Variants in KCNMA1 observed in about 807,000 individuals in gnomAD.
KCNMA1 encodes the protein potassium calcium-activated channel subfamily M alpha 1, also known as Calcium-activated potassium channel subunit alpha-1.
In KCNMA1, 29 loss-of-function variants were observed where a neutral mutation model predicts 140.0. The ratio of observed to expected loss-of-function variants is 0.21; its 90% confidence interval spans 0.15 to 0.28. KCNMA1 has a LOEUF of 0.28. KCNMA1 is among the 10% of genes least tolerant of loss of function. The probability of loss-of-function intolerance (pLI) is 1.00; values close to 1 mark genes in which losing one functional copy is unlikely to be tolerated. For missense variants in KCNMA1, 880 were observed against 1,602.2 expected (o/e 0.55, Z 7.70); for synonymous variants, 612 against 611.9 (o/e 1.00, Z 0.00).
intron 1 of KCNMA1, among the ~76,000 whole-genome samples, chr10:77,612,023 GAAGA>G (rs2087118572): frequency 1.3e-5 from 2 of 152,206 alleles, no homozygotes; most frequent in Admixed American, 6.5e-5. Flanking sequence ...GGAGTCCAGA[GAAGA>G]AAGAGATGGG....
intron 1 of KCNMA1, among the ~76,000 whole-genome samples, chr10:77,496,863 A>C (rs1309444241): frequency 6.6e-6 from 1 of 152,136 alleles, no homozygotes; most frequent in Non-Finnish European, 1.5e-5. Context: ...GTGTCCCACA[A>C]GTACTTCAAA....
At chr10:77,217,325 CA>C (rs958985320) in intron 3 of KCNMA1, among the ~76,000 whole-genome samples, 4 of 150,222 alleles carry the variant, frequency 2.7e-5, no homozygotes, top group African/African-American at 4.9e-5. Flanking sequence ...AACAAACAAA[CA>C]AAAAAAAACT....
intron 23 of KCNMA1, among the ~76,000 whole-genome samples, chr10:76,931,442 G>A (rs983059004): frequency 6.6e-6 from 1 of 151,648 alleles, no homozygotes; most frequent in Non-Finnish European, 1.5e-5. Context: ...AAAGGGGTAG[G>A]TACAAGACCC....
intron 17 of KCNMA1, among the ~76,000 whole-genome samples, chr10:77,017,912 GT>G (rs1295417254): frequency 1.3e-5 from 2 of 152,164 alleles, no homozygotes; most frequent in Admixed American, 6.5e-5. Context: ...AGAGAACCTA[GT>G]ACCTAGAATA....
chr10:76,939,987 T>G (rs2061549655), intron 23 of KCNMA1, among the ~76,000 whole-genome samples: 1 of 152,352 alleles, frequency 6.6e-6, no homozygotes, highest in South Asian at 2.1e-4. Flanking sequence ...CAAAGGGAAG[T>G]GACAGGCACT....
intron 22 of KCNMA1, among the ~76,000 whole-genome samples, chr10:76,948,076 C>T (rs919358207): frequency 3.9e-5 from 6 of 152,042 alleles, no homozygotes; most frequent in Non-Finnish European, 7.4e-5. Context: ...GCTTTCACAG[C>T]CCACTGCAGC....
intron 1 of KCNMA1, among the ~76,000 whole-genome samples, chr10:77,547,557 C>T (rs2061729160): frequency 6.6e-6 from 1 of 152,190 alleles, no homozygotes; most frequent in African/African-American, 2.4e-5. Context: ...GTGGCTTCTC[C>T]AGATCAACAG....
At position 77,637,746 on chromosome 10, in the gene KCNMA1, C is replaced by T. The variant is rs192912320; in HGVS notation, c.-104G>A. The T allele has an allele frequency of 3.3e-5, 32 of 976,562 alleles. No homozygotes were observed. The highest frequency in any genetic ancestry group is 7.6e-5 in the South Asian group (2 of 26,318). 60.5% of individuals were successfully genotyped at this position (976,562 alleles called of 1,614,324 possible). A position where few individuals can be genotyped will look rare whatever the true frequency, so the allele number is the denominator to read the frequency against. Reference sequence around the variant, plus strand: ...GCCATATTGCTGCTACTGCTGCCGCCGCCGCCGCCGCCGCGGAGCGCGGGA... The same window carrying T: ...GCCATATTGCTGCTACTGCTGCCGCTGCCGCCGCCGCCGCGGAGCGCGGGA... On this transcript the variant is annotated 5_prime_UTR_variant, in exon 1 of 28. Coordinates refer to ENST00000286628, the MANE Select transcript of KCNMA1 (RefSeq NM_001161352.2).
intron 3 of KCNMA1, among the ~76,000 whole-genome samples, chr10:77,242,293 G>A (rs1480018429): frequency 2.0e-5 from 3 of 152,180 alleles, no homozygotes; most frequent in Non-Finnish European, 2.9e-5. Context: ...TGCCGTCCCT[G>A]AAGCATTCTC....
At chr10:77,241,719 T>C (rs2057325996) in intron 3 of KCNMA1, among the ~76,000 whole-genome samples, 1 of 152,032 alleles carries the variant, frequency 6.6e-6, no homozygotes, top group Non-Finnish European at 1.5e-5. Context: ...AGACTGAGAC[T>C]GAAGGATCAC....
intron 1 of KCNMA1, among the ~76,000 whole-genome samples, chr10:77,595,885 C>T (rs1382423773): frequency 3.9e-5 from 6 of 152,134 alleles, no homozygotes; most frequent in African/African-American, 7.2e-5. Flanking sequence ...CTCCTGACCT[C>T]GTGATCCATC....
chr10:77,521,436 A>G (rs1226661442), intron 1 of KCNMA1, among the ~76,000 whole-genome samples: 1 of 152,128 alleles, frequency 6.6e-6, no homozygotes, highest in African/African-American at 2.4e-5. Flanking sequence ...AGGCCCACAC[A>G]CTAGTGCCCG....
chr10:77,324,293 C>A (rs141202689), intron 2 of KCNMA1, among the ~76,000 whole-genome samples: 3 of 152,204 alleles, frequency 2.0e-5, no homozygotes, highest in African/African-American at 7.2e-5. Context: ...TGAAAACATT[C>A]TTAAACTTTT....
At chr10:77,549,344 G>T (rs1353533869) in intron 1 of KCNMA1, among the ~76,000 whole-genome samples, 2 of 152,180 alleles carry the variant, frequency 1.3e-5, no homozygotes, top group Non-Finnish European at 2.9e-5. Flanking sequence ...CAGATGGAGA[G>T]GAAGTCTCTC....
At chr10:77,542,097 TG>T (rs1440775545) in intron 1 of KCNMA1, among the ~76,000 whole-genome samples, 1 of 152,202 alleles carries the variant, frequency 6.6e-6, no homozygotes, top group Admixed American at 6.5e-5. Context: ...GAGAGCTGCC[TG>T]GTCCCTTCCA....
At chr10:77,144,646 G>C (rs558973494) in intron 5 of KCNMA1, among the ~76,000 whole-genome samples, 2 of 152,286 alleles carry the variant, frequency 1.3e-5, no homozygotes, top group South Asian at 2.1e-4. Flanking sequence ...CCTGTCAACA[G>C]AGATACTCAA....
chr10:76,951,235 C>T (rs908518334), intron 21 of KCNMA1, among the ~76,000 whole-genome samples: 9 of 152,278 alleles, frequency 5.9e-5, no homozygotes, highest in Middle Eastern at 3.4e-3. Context: ...AGACTGGCCA[C>T]AGCTACATCA....
chr10:77,053,961 T>C (rs1474224607), intron 14 of KCNMA1, among the ~76,000 whole-genome samples: 1 of 152,144 alleles, frequency 6.6e-6, no homozygotes, highest in Non-Finnish European at 1.5e-5. Flanking sequence ...CAGAGTCTTA[T>C]AATCCTTGCC....
intron 14 of KCNMA1, among the ~76,000 whole-genome samples, chr10:77,048,695 T>C (rs2095224925): frequency 6.6e-6 from 1 of 152,242 alleles, no homozygotes. Flanking sequence ...TATTTTACTT[T>C]CAGCACAATA....
Sources: gnomAD v4.1 joint callset for allele counts (sites outside exome capture counted in the v4.1 genomes callset) on GRCh38, gnomAD v4.1.1 for gene constraint, MANE v1.5 for transcripts, NCBI Gene and HGNC (gene_info 2026-07-23, HGNC 2026-07-21) for gene names.